The following ZNF79 variants were observed in gnomAD, a reference collection of about 807,000 sequenced individuals.
The protein encoded by ZNF79 is zinc finger protein 79, also known as ZNFpT7.
Under a neutral mutation model 14.9 loss-of-function variants are expected in ZNF79, and 13 were observed. That is an observed-to-expected ratio of 0.87 (90% CI 0.57 to 1.38). The LOEUF is 1.38. Ranked by LOEUF, ZNF79 falls within the 40% of genes most tolerant of loss-of-function variation. ZNF79 has a pLI of 0.00. For synonymous variants in ZNF79, 223 were observed against 235.1 expected (o/e 0.95, Z 0.47); for missense variants, 631 against 630.6 (o/e 1.00, Z -0.01).
In ZNF79 at chr9:127,445,103, C is replaced by A; in HGVS notation, c.1403C>A (p.Thr468Lys). Residue 468 changes from threonine to lysine, a missense_variant, in exon 5 of 5, where the codon ACA becomes AAA. Physicochemically the swap from Thr to Lys is moderately conservative, Grantham distance 78. Transcript: ENST00000342483. Reference sequence around the variant, plus strand: ...CTTAGTCAGCATCAGAGAATCCACACAGGCGTGAAACCCTACGAATGCAGC... The same window carrying A: ...CTTAGTCAGCATCAGAGAATCCACAAAGGCGTGAAACCCTACGAATGCAGC... ...SSLSQHQRIHTGVKPYECSEC... is the reference protein window; with the variant it reads ...SSLSQHQRIHKGVKPYECSEC... 6.2e-7 allele frequency: 1 copy of A among 1,614,138 alleles called. No individual in the cohort carries two copies.
At chr9:127,429,292 A>C (rs961470524) in intron 2 of ZNF79, among the ~76,000 whole-genome samples, 1 of 151,704 alleles carries the variant, frequency 6.6e-6, no homozygotes, top group Non-Finnish European at 1.5e-5. Context: ...CTGGTATTAC[A>C]GGTGTGAGCC....
chr9:127,442,865 CTG>C (rs112600999), intron 4 of ZNF79, among the ~76,000 whole-genome samples: 2,647 of 149,236 alleles, frequency 0.018, 89 homozygotes, highest in African/African-American at 0.061. Context: ...GTCTCAAAAT[CTG>C]TGTGTGTGTG....
intron 2 of ZNF79, among the ~76,000 whole-genome samples, chr9:127,431,728 T>C (rs181310552): frequency 6.6e-6 from 1 of 152,324 alleles, no homozygotes; most frequent in East Asian, 1.9e-4. Context: ...TACATTTAAA[T>C]CTTTAATCTA....
rs1833807913 is a variant in ZNF79 at position 127,428,845 on chromosome 9, A to G, written c.30A>G (p.Pro10=). 2 of 1,604,048 alleles carry G rather than the reference A, an allele frequency of 1.2e-6. No individual in the cohort carries two copies. Among genetic ancestry groups the G allele is most frequent in the African/African-American group, 2.7e-5 (2 of 74,392 alleles). ...CTCTTTCTCTAGTACTGCCTTCCCC[A>G]GGCCCTGCCCTTCCCCAAGAGGAAA... MLEEGVLPS[P]GPALPQEENT... is the part of the protein sequence containing the mutation. Residue 10 remains proline, a synonymous_variant, in exon 2 of 5, where the codon CCA becomes CCG. Coordinates refer to ENST00000342483, the MANE Select transcript of ZNF79 (RefSeq NM_007135.3).
chr9:127,424,738 C>T lies in ZNF79; in HGVS notation c.-50C>T. 6.2e-7 allele frequency: 1 copy of T among 1,613,116 alleles called. No individual in the cohort carries two copies. Among genetic ancestry groups the T allele is most frequent in the Non-Finnish European group, 8.5e-7 (1 of 1,179,872 alleles). ...GGGGTGGGGGCTGCTGTAGATAGAC[C>T]CTTACGCCCAGAGAACTGCTGGGAG... On this transcript the variant is annotated 5_prime_UTR_variant, in exon 1 of 5. Coordinates refer to ENST00000342483, the MANE Select transcript of ZNF79 (RefSeq NM_007135.3).
chr9:127,428,610 A>G, intron 1 of ZNF79: 3 of 1,160,804 alleles, frequency 2.6e-6, no homozygotes, highest in Non-Finnish European at 3.2e-6. Context: ...TGAGTGGTGG[A>G]TCATGGATAC....
At position 127,424,706 on chromosome 9, in the gene ZNF79, G is replaced by A. The variant is rs1354256212; in HGVS notation, c.-82G>A. 2 of 1,604,268 alleles carry A rather than the reference G, an allele frequency of 1.2e-6. No homozygotes were observed. Among genetic ancestry groups the A allele is most frequent in the African/African-American group, 1.3e-5 (1 of 74,762 alleles). On this transcript the variant is annotated 5_prime_UTR_variant, in exon 1 of 5. Transcript: ENST00000342483. ...GCCTGGGAGCCGTCAGAGCAGCCCT[G>A]CAGAACGGGGTGGGGGCTGCTGTAG...
In ZNF79 at chr9:127,428,559, A is replaced by T. The variant is rs1564230765; in HGVS notation, c.17-273A>T. 1.4e-5 allele frequency: 10 copies of T among 731,406 alleles called. 1 individual carries two copies. The South Asian group carries it at 5.8e-4, about 43-fold the overall frequency. The allele number at this position is 731,406 out of a possible 1,614,324, so 45.3% of individuals were successfully genotyped here. ...ATCATCCCCATTTTGCAGATGAGAA[A>T]AATGAGACTTAGAGAGGTTACGTGA... On this transcript the variant is annotated intron_variant, in intron 1 of 4. Transcript: ENST00000342483.
intron 2 of ZNF79, among the ~76,000 whole-genome samples, chr9:127,432,093 T>G (rs2073557424): frequency 6.6e-6 from 1 of 152,066 alleles, no homozygotes; most frequent in Non-Finnish European, 1.5e-5. Flanking sequence ...TGTTCTTTAT[T>G]AATACATTTT....
At chr9:127,437,277 T>C (rs1380970615) in intron 4 of ZNF79, among the ~76,000 whole-genome samples, 3 of 151,918 alleles carry the variant, frequency 2.0e-5, no homozygotes, top group Admixed American at 6.6e-5. Context: ...GCACTACTCA[T>C]GCTTGTTGAC....
At chr9:127,437,258 G>A (rs1254440114) in intron 4 of ZNF79, among the ~76,000 whole-genome samples, 1 of 151,722 alleles carries the variant, frequency 6.6e-6, no homozygotes, top group African/African-American at 2.4e-5. Flanking sequence ...CCCCCTCATG[G>A]TGTGCCTGGC....
rs1467251211 is a variant in ZNF79, at chr9:127,444,139, C to G, written c.439C>G (p.Leu147Val). 3 of 1,613,542 alleles carry G rather than the reference C, an allele frequency of 1.9e-6. No individual in the cohort carries two copies. The African/African-American group carries it at 4.0e-5, about 22-fold the overall frequency. ...PGDSDHGTSD[L>V]EKSFNLRPVL... ...GGATTCAGACCACGGGACCAGTGAC[C>G]TTGAGAAGAGCTTCAATCTGAGACC... is the stretch of plus-strand genomic sequence containing the variant. The change falls in exon 5 of 5, where the codon CTT becomes GTT. Residue 147 changes from leucine to valine, a missense_variant. Coordinates refer to ENST00000342483, the MANE Select transcript of ZNF79 (RefSeq NM_007135.3).
chr9:127,435,242 T>C (rs1401683586), intron 3 of ZNF79, 26 bp downstream of exon 3: 4 of 1,566,774 alleles, frequency 2.6e-6, no homozygotes, highest in Admixed American at 2.0e-5. Context: ...CTTTAAGATT[T>C]AGAATCACTC....
chr9:127,430,306 G>T (rs1166821673), intron 2 of ZNF79, among the ~76,000 whole-genome samples: 2 of 152,060 alleles, frequency 1.3e-5, no homozygotes, highest in Non-Finnish European at 2.9e-5. Flanking sequence ...TGTGTGCAGG[G>T]TTGTTAAATG....
chr9:127,435,857 C>A, intron 3 of ZNF79, 51 bp from the exon 4 acceptor site: 1 of 1,474,982 alleles, frequency 6.8e-7, no homozygotes, highest in Non-Finnish European at 9.5e-7. Flanking sequence ...TTCTGGGTGG[C>A]TGTTCATACT....
rs1368445274 is a variant in ZNF79 at position 127,444,751 on chromosome 9, C to T, written c.1051C>T (p.His351Tyr). ...CAGTTACTGCGCAGCGTTCATTCAG[C>T]ACCAGAGGATTCACACCGGGGAGAA... ...AFSYCAAFIQ[H>Y]QRIHTGEKPY... The change falls in exon 5 of 5, where the codon CAC (histidine) becomes TAC (tyrosine). Residue 351 changes from histidine to tyrosine, a missense_variant. His to Tyr is a moderately conservative substitution (Grantham distance 83). Transcript: ENST00000342483. 1 of 1,613,726 alleles carries T rather than the reference C, an allele frequency of 6.2e-7. No individual in the cohort carries two copies. The highest frequency in any genetic ancestry group is 8.5e-7 in the Non-Finnish European group (1 of 1,179,776).
chr9:127,438,168 A>G (rs1170019292), intron 4 of ZNF79, among the ~76,000 whole-genome samples: 1 of 152,058 alleles, frequency 6.6e-6, no homozygotes, highest in Non-Finnish European at 1.5e-5. Context: ...GCAAGCAGAC[A>G]CCGTCTACCT....
At position 127,435,072 on chromosome 9, in the gene ZNF79, A is replaced by T; in HGVS notation, c.106-18A>T. The T allele has an allele frequency of 6.2e-7, 1 of 1,602,636 alleles. No individual in the cohort carries two copies. Among genetic ancestry groups the T allele is most frequent in the Non-Finnish European group, 8.5e-7 (1 of 1,175,508 alleles). Reference sequence around the variant, plus strand: ...ATCCTAAGGCCACTGGCAAGATGAAATGTGCTTGTTTTTTCAGGGATCCAC... The same window carrying T: ...ATCCTAAGGCCACTGGCAAGATGAATTGTGCTTGTTTTTTCAGGGATCCAC... On this transcript the variant is annotated intron_variant, in intron 2 of 4. Transcript: ENST00000342483.
Position 127,445,036 on chromosome 9 carries a change from G to T in ZNF79, c.1336G>T (p.Glu446Ter). 1 of 1,614,024 alleles carries T rather than the reference G, an allele frequency of 6.2e-7. No homozygotes were observed. Among genetic ancestry groups the T allele is most frequent in the Non-Finnish European group, 8.5e-7 (1 of 1,180,020 alleles). The change falls in exon 5 of 5, where the codon GAG becomes TAG. Residue 446 changes from glutamate (E) to a stop codon, truncating the protein, a stop_gained. Transcript: ENST00000342483. LOFTEE classifies it high-confidence loss of function. The part of the protein sequence containing the change: ...HIIHTGEKPY[E>*]CNECGKAFNQ... Reference sequence around the variant, plus strand: ...AATCCACACCGGAGAAAAACCTTATGAGTGTAATGAGTGTGGTAAAGCGTT... The same window carrying T: ...AATCCACACCGGAGAAAAACCTTATTAGTGTAATGAGTGTGGTAAAGCGTT...
Sources: allele counts gnomAD v4.1 joint callset (sites outside exome capture counted in the v4.1 genomes callset), GRCh38; gene constraint gnomAD v4.1.1; transcripts MANE v1.5; gene names NCBI Gene and HGNC (gene_info 2026-07-23, HGNC 2026-07-21).